MRPS25: variants seen among roughly 807,000 people sequenced by gnomAD.
MRPS25 encodes the protein small ribosomal subunit protein mS25.
In MRPS25, 15 loss-of-function variants were observed where a neutral mutation model predicts 17.3. The observed-to-expected ratio is 0.87, with a 90% CI of 0.58 to 1.34. The LOEUF (loss-of-function observed/expected upper bound fraction) is 1.34. MRPS25 is among the 40% of genes most tolerant of loss of function. MRPS25 has a pLI of 0.00. For synonymous variants in MRPS25, 94 were observed against 83.3 expected (o/e 1.13, Z -0.70); for missense variants, 225 against 218.6 (o/e 1.03, Z -0.19).
chr3:15,053,753 A>G (rs944268395), intron 2 of MRPS25, among the ~76,000 whole-genome samples: 1 of 152,144 alleles, frequency 6.6e-6, no homozygotes, highest in African/African-American at 2.4e-5. Context: ...TTCTCCCCAG[A>G]CTGATCTACA....
intron 2 of MRPS25, 31 bp from the exon 3 acceptor site, chr3:15,053,498 A>C (rs1156703561): frequency 6.2e-7 from 1 of 1,614,062 alleles, no homozygotes; most frequent in Admixed American, 1.7e-5. Flanking sequence ...GCAGAAGAGA[A>C]ACAGAACTCA....
At chr3:15,052,752 A>C in intron 3 of MRPS25, 119 bp from the exon 4 acceptor site, 1 of 1,042,886 alleles carries the variant, frequency 9.6e-7, no homozygotes, top group East Asian at 2.4e-5. Context: ...CCTGCCTTCT[A>C]ACCTGATCCT....
chr3:15,053,740 C>T (rs988292700), intron 2 of MRPS25: 3 of 470,360 alleles, frequency 6.4e-6, no homozygotes, highest in African/African-American at 3.9e-5. Flanking sequence ...CTTAAGACGG[C>T]AATTCTCCCC....
downstream of MRPS25, chr3:15,043,785 T>A (rs2125108830): frequency 6.6e-6 from 1 of 152,388 alleles, no homozygotes; most frequent in Non-Finnish European, 1.5e-5. Context: ...TGCAGACTCC[T>A]CTAGAACCTG....
intron 1 of MRPS25, among the ~76,000 whole-genome samples, chr3:15,063,571 A>G (rs2042810989): frequency 6.6e-6 from 1 of 152,186 alleles, no homozygotes; most frequent in Non-Finnish European, 1.5e-5. Context: ...GCCAGCCCCT[A>G]CCACCAGGAA....
chr3:15,049,885 A>G lies in MRPS25; in HGVS notation c.*2556T>C, dbSNP rs2042577726. 6.6e-7 allele frequency: 1 copy of G among 1,521,640 alleles called. No individual in the cohort carries two copies. The highest frequency in any genetic ancestry group is 8.8e-7 in the Non-Finnish European group (1 of 1,135,852). 94.3% of individuals were successfully genotyped at this position (1,521,640 alleles called of 1,614,324 possible). On this transcript the variant is annotated 3_prime_UTR_variant, in exon 4 of 4. Coordinates refer to ENST00000253686, the MANE Select transcript of MRPS25 (RefSeq NM_022497.5). The stretch of plus-strand genomic sequence containing the variant: ...TCCTCCTGCCTCAGCCTCCTGAGTA[A>G]CTGGGACCACAGCAGATGATACAGG...
chr3:15,052,394 C>T lies in MRPS25; in HGVS notation c.*47G>A, dbSNP rs1165943197. On this transcript the variant is annotated 3_prime_UTR_variant, in exon 4 of 4. Transcript: ENST00000253686. ...GGCCAAAGTAATCCCATTCCAATCTCCCCACTGGTCAGACACCATCACCCC... is the reference window on the plus strand; with the variant it reads ...GGCCAAAGTAATCCCATTCCAATCTTCCCACTGGTCAGACACCATCACCCC... The T allele has an allele frequency of 1.9e-6, 3 of 1,577,530 alleles. No homozygotes were observed. Among genetic ancestry groups the T allele is most frequent in the Admixed American group, 1.8e-5 (1 of 55,836 alleles).
chr3:15,049,629 C>G lies in MRPS25; in HGVS notation c.*2812G>C, dbSNP rs1414770358. ...GGCCTTAAATTGGCAAGCTTATTCT[C>G]TAAGGATACGTGCTATCAAGGGCAA... On this transcript the variant is annotated 3_prime_UTR_variant, in exon 4 of 4. Transcript: ENST00000253686. 2 of 506,864 alleles carry G rather than the reference C, an allele frequency of 3.9e-6. No individual in the cohort carries two copies. Among genetic ancestry groups the G allele is most frequent in the South Asian group, 2.8e-5 (1 of 35,594 alleles). 31.4% of individuals were successfully genotyped at this position (506,864 alleles called of 1,614,324 possible). A position where few individuals can be genotyped will look rare whatever the true frequency, so the allele number is the denominator to read the frequency against.
downstream of MRPS25, chr3:15,047,212 C>T (rs987098318): frequency 8.5e-5 from 13 of 152,534 alleles, no homozygotes; most frequent in African/African-American, 3.1e-4. Context: ...GTTCCAAGGT[C>T]CCTCGGCAGG....
chr3:15,050,349 C>CCAG lies in MRPS25; in HGVS notation c.*2089_*2091dup. 2 of 1,058,358 alleles carry CCAG rather than the reference C, an allele frequency of 1.9e-6. No homozygotes were observed. Among genetic ancestry groups the CCAG allele is most frequent in the South Asian group, 5.8e-5 (2 of 34,262 alleles). The allele number at this position is 1,058,358 out of a possible 1,614,324, so 65.6% of individuals were successfully genotyped here. On this transcript the variant is annotated 3_prime_UTR_variant, in exon 4 of 4. Coordinates refer to ENST00000253686, the MANE Select transcript of MRPS25 (RefSeq NM_022497.5). ...CCCTAGTTATCTGTCCCATTAGGGA[C>CCAG]CAGACATTTATTCTGTCTAGAGAAT...
chr3:15,042,734 T>G (rs1389353861), downstream of MRPS25: 2 of 1,040,934 alleles, frequency 1.9e-6, no homozygotes, highest in African/African-American at 1.6e-5. Context: ...TCCGTTTGGT[T>G]TGATTCTGTG....
chr3:15,050,657 C>G lies in MRPS25; in HGVS notation c.*1784G>C, dbSNP rs944834596. The G allele has an allele frequency of 9.2e-5, 91 of 985,242 alleles. No homozygotes were observed. The highest frequency in any genetic ancestry group is 1.1e-4 in the Non-Finnish European group (89 of 829,930). The allele number at this position is 985,242 out of a possible 1,614,324, so 61.0% of individuals were successfully genotyped here. A position where few individuals can be genotyped will look rare whatever the true frequency, so the allele number is the denominator to read the frequency against. ...TGGAGGAGAGCTTTTTCCACCCAGC[C>G]AAAATGCTGATAGCAGAGAGACAAG... On this transcript the variant is annotated 3_prime_UTR_variant, in exon 4 of 4. Transcript: ENST00000253686.
chr3:15,049,880 G>T lies in MRPS25; in HGVS notation c.*2561C>A. ...AGTGATCCTCCTGCCTCAGCCTCCT[G>T]AGTAACTGGGACCACAGCAGATGAT... On this transcript the variant is annotated 3_prime_UTR_variant, in exon 4 of 4. Coordinates refer to ENST00000253686, the MANE Select transcript of MRPS25 (RefSeq NM_022497.5). The T allele has an allele frequency of 6.6e-7, 1 of 1,513,576 alleles. No homozygotes were observed. The highest frequency in any genetic ancestry group is 1.2e-5 in the South Asian group (1 of 83,070). The allele number at this position is 1,513,576 out of a possible 1,614,324, so 93.8% of individuals were successfully genotyped here. A position where few individuals can be genotyped will look rare whatever the true frequency, so the allele number is the denominator to read the frequency against.
At chr3:15,055,211 C>G (rs970203820) in intron 2 of MRPS25, among the ~76,000 whole-genome samples, 2 of 152,206 alleles carry the variant, frequency 1.3e-5, no homozygotes, top group Admixed American at 1.3e-4. Flanking sequence ...CCCACGGTGA[C>G]TAGGACTCGT....
In MRPS25 at chr3:15,050,020, T is replaced by C. The variant is rs747112130; in HGVS notation, c.*2421A>G. The C allele has an allele frequency of 1.0e-5, 15 of 1,464,408 alleles. No homozygotes were observed. The highest frequency in any genetic ancestry group is 1.3e-5 in the Non-Finnish European group (15 of 1,123,262). 90.7% of individuals were successfully genotyped at this position (1,464,408 alleles called of 1,614,324 possible). ...AAAATTAAGAACATGTTATCAATTA[T>C]AAAATCCTCACATTTTCTCTAATTA... On this transcript the variant is annotated 3_prime_UTR_variant, in exon 4 of 4. Transcript: ENST00000253686.
Position 15,050,249 on chromosome 3 carries a change from G to A in MRPS25, c.*2192C>T. The stretch of plus-strand genomic sequence containing the variant: ...GTAACTGCACCACAGGACTGCTGCT[G>A]TCTCCACACGTCCTTTCAGGGTCTG... On this transcript the variant is annotated 3_prime_UTR_variant, in exon 4 of 4. Coordinates refer to ENST00000253686, the MANE Select transcript of MRPS25 (RefSeq NM_022497.5). 8.8e-7 allele frequency: 1 copy of A among 1,138,728 alleles called. No homozygotes were observed. The allele number at this position is 1,138,728 out of a possible 1,614,324, so 70.5% of individuals were successfully genotyped here.
In MRPS25 at chr3:15,052,476, A is replaced by G; in HGVS notation, c.487T>C (p.Tyr163His). The G allele has an allele frequency of 6.2e-7, 1 of 1,614,048 alleles. No homozygotes were observed. The highest frequency in any genetic ancestry group is 8.5e-7 in the Non-Finnish European group (1 of 1,179,974). The change falls in exon 4 of 4, where the codon TAC becomes CAC. Residue 163 changes from tyrosine to histidine, a missense_variant. Physicochemically the swap from Tyr to His is moderately conservative, Grantham distance 83. Transcript: ENST00000253686. ...VPLPKEMRGK[Y>H]KAALKADAQD ...GCATCGGCTTTCAGAGCGGCTTTGT[A>G]CTTCCCCCTCATCTCCTTGGGTAAT...
chr3:15,061,816 T>A (rs1168882500), intron 1 of MRPS25, among the ~76,000 whole-genome samples: 1 of 150,432 alleles, frequency 6.6e-6, no homozygotes, highest in Non-Finnish European at 1.5e-5. Flanking sequence ...GGAGCGCCTC[T>A]GCCCGGCCGC....
At position 15,049,612 on chromosome 3, in the gene MRPS25, A is replaced by G; in HGVS notation, c.*2829T>C. 2.1e-6 allele frequency: 1 copy of G among 479,196 alleles called. No individual in the cohort carries two copies. 29.7% of individuals were successfully genotyped at this position (479,196 alleles called of 1,614,324 possible). A position where few individuals can be genotyped will look rare whatever the true frequency, so the allele number is the denominator to read the frequency against. On this transcript the variant is annotated 3_prime_UTR_variant, in exon 4 of 4. Transcript: ENST00000253686. ...AGATGCCATTACAGACAGGCCTTAA[A>G]TTGGCAAGCTTATTCTCTAAGGATA... is the stretch of plus-strand genomic sequence containing the variant.
Sources: gnomAD v4.1 joint callset for allele counts (sites outside exome capture counted in the v4.1 genomes callset) on GRCh38, gnomAD v4.1.1 for gene constraint, MANE v1.5 for transcripts, NCBI Gene and HGNC (gene_info 2026-07-23, HGNC 2026-07-21) for gene names.